Variants in ASPH observed in about 807,000 individuals in gnomAD.
ASPH encodes the protein aspartyl/asparaginyl beta-hydroxylase.
ASPH carries 100 observed loss-of-function variants against 118.4 expected under a neutral mutation model. The observed-to-expected ratio is 0.84, with a 90% CI of 0.72 to 1.00. The LOEUF is 1.00. Among genes scored for constraint, ASPH ranks in the 50% least tolerant of loss-of-function variants. The probability of loss-of-function intolerance (pLI) is 0.00; values close to 1 mark genes in which losing one functional copy is unlikely to be tolerated. For missense variants in ASPH, 920 were observed against 919.5 expected, an observed-to-expected ratio of 1.00 and a Z score of -0.01; for synonymous variants, 315 against 325.6, an observed-to-expected ratio of 0.97 and a Z score of 0.35.
At chr8:61,614,393 T>G (rs1481744680) in intron 14 of ASPH, among the ~76,000 whole-genome samples, 1 of 152,232 alleles carries the variant, frequency 6.6e-6, no homozygotes, top group African/African-American at 2.4e-5. Flanking sequence ...AAATCCCAAC[T>G]GATAACTGAC....
chr8:61,661,153 TA>T (rs1410449093), intron 3 of ASPH: 1 of 152,192 alleles, frequency 6.6e-6, no homozygotes, highest in Non-Finnish European at 1.5e-5. Context: ...CTCAATAGAA[TA>T]AATCAGGCTC....
intron 20 of ASPH, among the ~76,000 whole-genome samples, chr8:61,550,838 A>C (rs1468459480): frequency 2.0e-5 from 3 of 152,238 alleles, no homozygotes; most frequent in Non-Finnish European, 4.4e-5. Flanking sequence ...GTTAGCACTG[A>C]CTGAGCAAGA....
Position 61,525,971 on chromosome 8 carries a change from A to G in ASPH, c.1900+6T>C, listed in dbSNP as rs4738904. On this transcript the variant is annotated splice_donor_region_variant and intron_variant, in intron 22 of 24. Coordinates refer to ENST00000379454, the MANE Select transcript of ASPH (RefSeq NM_004318.4). ...GCAGAGAACCATCTAGAAGTCAGAAACTCACCTTGCTGCCACAGCGTGAAC... is the reference window on the plus strand; with the variant it reads ...GCAGAGAACCATCTAGAAGTCAGAAGCTCACCTTGCTGCCACAGCGTGAAC... 0.98 allele frequency: 1,582,554 copies of G among 1,613,616 alleles called. 776,130 individuals are homozygous for G. Among genetic ancestry groups the G allele is most frequent in the East Asian group, 1 (44,858 of 44,858 alleles).
At chr8:61,554,502 A>C (rs1827144614) in intron 19 of ASPH, among the ~76,000 whole-genome samples, 1 of 152,188 alleles carries the variant, frequency 6.6e-6, no homozygotes, top group African/African-American at 2.4e-5. Context: ...ACAGCTATCT[A>C]ATTAGCTATG....
At chr8:61,613,658 G>A (rs1169252305) in intron 14 of ASPH, among the ~76,000 whole-genome samples, 1 of 152,170 alleles carries the variant, frequency 6.6e-6, no homozygotes, top group Non-Finnish European at 1.5e-5. Context: ...AAGGCTTCCT[G>A]AAAGACAGAA....
intron 3 of ASPH, chr8:61,665,191 T>C (rs1413795709): frequency 6.6e-7 from 1 of 1,520,144 alleles, no homozygotes. Context: ...TTTCCATGCT[T>C]TTTTGTAACA....
intron 20 of ASPH, among the ~76,000 whole-genome samples, chr8:61,549,055 C>T (rs879524788): frequency 2.6e-5 from 4 of 152,138 alleles, no homozygotes; most frequent in Non-Finnish European, 4.4e-5. Flanking sequence ...TAATGGTACA[C>T]TTAATATTAT....
At chr8:61,693,146 ATTTCAATGT>A (rs1227877384) in intron 1 of ASPH, among the ~76,000 whole-genome samples, 4 of 152,040 alleles carry the variant, frequency 2.6e-5, no homozygotes, top group African/African-American at 7.2e-5. Context: ...TAACCATGTG[ATTTCAATGT>A]CTATCCCTGT....
At chr8:61,549,305 AAT>A (rs143698014) in intron 20 of ASPH, among the ~76,000 whole-genome samples, 2,444 of 152,234 alleles carry the variant, frequency 0.016, 70 homozygotes, top group African/African-American at 0.056. Flanking sequence ...ACTTTCTTTG[AAT>A]GTGTTATCTC....
intron 14 of ASPH, among the ~76,000 whole-genome samples, chr8:61,589,485 C>A (rs1286610355): frequency 1.3e-5 from 2 of 152,186 alleles, no homozygotes; most frequent in Admixed American, 6.5e-5. Context: ...AAGGAAAAAA[C>A]CCAACATGCG....
chr8:61,643,814 C>T, intron 8 of ASPH, 131 bp downstream of exon 8: 1 of 742,714 alleles, frequency 1.3e-6, no homozygotes, highest in Middle Eastern at 2.4e-4. Context: ...AACATCTGAC[C>T]AATCAAAAGT....
intron 13 of ASPH, among the ~76,000 whole-genome samples, chr8:61,622,807 T>G (rs1318425170): frequency 6.6e-6 from 1 of 152,164 alleles, no homozygotes; most frequent in East Asian, 1.9e-4. Context: ...GAAGTAATAC[T>G]TATCTGCTGA....
At chr8:61,706,730 G>C (rs999120356) in intron 1 of ASPH, among the ~76,000 whole-genome samples, 2 of 152,224 alleles carry the variant, frequency 1.3e-5, no homozygotes, top group Non-Finnish European at 2.9e-5. Flanking sequence ...AGGCAGGGTA[G>C]AAGGACATGC....
intron 1 of ASPH, among the ~76,000 whole-genome samples, chr8:61,702,639 C>A (rs918201579): frequency 6.6e-6 from 1 of 152,144 alleles, no homozygotes; most frequent in African/African-American, 2.4e-5. Flanking sequence ...AAGAAGAAAT[C>A]TTCCTAAATT....
chr8:61,708,016 A>C (rs1296565878), intron 1 of ASPH, among the ~76,000 whole-genome samples: 1 of 152,194 alleles, frequency 6.6e-6, no homozygotes, highest in African/African-American at 2.4e-5. Flanking sequence ...GTGCATATAT[A>C]CCTGTATTTA....
At chr8:61,648,151 T>C (rs1461379780) in intron 5 of ASPH, among the ~76,000 whole-genome samples, 1 of 152,226 alleles carries the variant, frequency 6.6e-6, no homozygotes, top group Admixed American at 6.5e-5. Context: ...GAATAATATC[T>C]ATTTGTAACA....
At position 61,578,359 on chromosome 8, in the gene ASPH, G is replaced by A. The variant is rs574776107; in HGVS notation, c.1063-1501C>T. 2.1e-3 allele frequency: 3,453 copies of A among 1,606,624 alleles called. 37 individuals are homozygous for A. The highest frequency in any genetic ancestry group is 2.5e-3 in the South Asian group (226 of 90,824). ...TCCTGAGTGGGCAGCAGCAGCTTTCGGGGTGGCCTGGGAGGCGGCTATAGT... is the reference window on the plus strand; with the variant it reads ...TCCTGAGTGGGCAGCAGCAGCTTTCAGGGTGGCCTGGGAGGCGGCTATAGT... On this transcript the variant is annotated intron_variant, in intron 15 of 24. Transcript: ENST00000379454.
intron 3 of ASPH, chr8:61,675,795 G>A (rs751896980): frequency 5.8e-6 from 7 of 1,208,390 alleles, no homozygotes; most frequent in Middle Eastern, 6.6e-4. Context: ...GAAACAAAAC[G>A]ATACAGAAAC....
chr8:61,545,257 C>T (rs1356188815), intron 21 of ASPH, among the ~76,000 whole-genome samples: 3 of 152,190 alleles, frequency 2.0e-5, no homozygotes, highest in African/African-American at 7.2e-5. Context: ...TTCTCTTTTC[C>T]ATCATGTGAA....
Sources: gnomAD v4.1 joint callset for allele counts (sites outside exome capture counted in the v4.1 genomes callset) on GRCh38, gnomAD v4.1.1 for gene constraint, MANE v1.5 for transcripts, NCBI Gene and HGNC (gene_info 2026-07-23, HGNC 2026-07-21) for gene names.